SMG5: variants seen among roughly 807,000 people sequenced by gnomAD.
The protein encoded by SMG5 is nonsense-mediated mRNA decay factor SMG5.
SMG5 carries 53 observed loss-of-function variants against 122.9 expected under a neutral mutation model. The observed-to-expected ratio is 0.43, with a 90% CI of 0.35 to 0.54. The LOEUF (loss-of-function observed/expected upper bound fraction) is 0.54. SMG5 is among the 20% of genes least tolerant of loss of function. The pLI, the probability that SMG5 is intolerant of heterozygous loss-of-function variation, is 0.01. For synonymous variants in SMG5, 477 were observed against 490.2 expected (o/e 0.97, Z 0.35); for missense variants, 1,153 against 1,285.6 (o/e 0.90, Z 1.58).
upstream of SMG5, chr1:156,285,110 T>G: frequency 1.5e-6 from 2 of 1,326,118 alleles, no homozygotes; most frequent in Non-Finnish European, 2.0e-6. Flanking sequence ...CCCTGGAGAG[T>G]ATGAGTTCTG....
At chr1:156,276,921 C>G (rs902318046) in intron 4 of SMG5, among the ~76,000 whole-genome samples, 164 bp downstream of exon 4, 2 of 152,196 alleles carry the variant, frequency 1.3e-5, no homozygotes, top group African/African-American at 2.4e-5. Flanking sequence ...TACCCTAACT[C>G]ATATGATTGT....
upstream of SMG5, chr1:156,285,718 C>T: frequency 1.2e-6 from 2 of 1,613,228 alleles, no homozygotes; most frequent in Non-Finnish European, 1.7e-6. Context: ...CCCCCCGGGT[C>T]ACCCACCCCG....
In SMG5 at chr1:156,266,683, A is replaced by T; in HGVS notation, c.1118-5T>A. 4 of 1,614,098 alleles carry T rather than the reference A, an allele frequency of 2.5e-6. No individual in the cohort carries two copies. The South Asian group carries it at 4.4e-5, about 18-fold the overall frequency. ...CTGCACTGTACTGCTTGGATCCTGAAGTCAGGAAAGCCAGGCATTAGGGGC... is the reference window on the plus strand; with the variant it reads ...CTGCACTGTACTGCTTGGATCCTGATGTCAGGAAAGCCAGGCATTAGGGGC... On this transcript the variant is annotated splice_polypyrimidine_tract_variant and splice_region_variant and intron_variant, in intron 10 of 21. Coordinates refer to ENST00000361813, the MANE Select transcript of SMG5 (RefSeq NM_015327.3).
chr1:156,291,112 A>G, the SMG5 span: 1 of 443,360 alleles, frequency 2.3e-6, no homozygotes, highest in Non-Finnish European at 4.1e-6. Flanking sequence ...TGTCTCTAAA[A>G]AAATAAAAAT....
chr1:156,280,403 C>T (rs1662885433), intron 1 of SMG5, among the ~76,000 whole-genome samples: 1 of 152,236 alleles, frequency 6.6e-6, no homozygotes, highest in Admixed American at 6.5e-5. Context: ...CTAAGCTGCC[C>T]TACACAGGGT....
At chr1:156,275,773 G>A (rs1464443136) in intron 4 of SMG5, among the ~76,000 whole-genome samples, 1 of 151,410 alleles carries the variant, frequency 6.6e-6, no homozygotes, top group African/African-American at 2.4e-5. Context: ...GTAACCTATG[G>A]ACATGGTCCC....
upstream of SMG5, among the ~76,000 whole-genome samples, chr1:156,285,002 T>G (rs189364553): frequency 6.6e-6 from 1 of 152,276 alleles, no homozygotes; most frequent in East Asian, 1.9e-4. Context: ...CCATTTCAGC[T>G]GCTCACTTCC....
chr1:156,261,302 G>A, intron 14 of SMG5, 31 bp downstream of exon 14: 1 of 1,605,672 alleles, frequency 6.2e-7, no homozygotes, highest in Non-Finnish European at 8.5e-7. Context: ...AGAGAGCAAA[G>A]AAAGGAGGGT....
the SMG5 span, chr1:156,291,357 T>A: frequency 6.2e-7 from 1 of 1,606,224 alleles, no homozygotes; most frequent in Non-Finnish European, 8.5e-7. Flanking sequence ...CCCTCGAGAG[T>A]AGCCTGACCC....
rs749708031 is a variant in SMG5 at position 156,253,433 on chromosome 1, G to C, written c.2502+16C>G. ...CTACCAAGTGCAGAAGAAGCACTTG[G>C]GTCCTGATTTCCTACCTGAAGTCGT... On this transcript the variant is annotated intron_variant, in intron 17 of 21. Transcript: ENST00000361813. The C allele has an allele frequency of 3.1e-6, 5 of 1,613,674 alleles. No homozygotes were observed.
At chr1:156,287,187 T>C (rs1415858555), upstream of SMG5, among the ~76,000 whole-genome samples, 1 of 151,660 alleles carries the variant, frequency 6.6e-6, no homozygotes, top group African/African-American at 2.4e-5. Context: ...GAGGCTGAGG[T>C]GGGTGGATCA....
chr1:156,285,279 C>T (rs749332535), upstream of SMG5: 64 of 1,569,230 alleles, frequency 4.1e-5, no homozygotes, highest in South Asian at 7.1e-4. Flanking sequence ...TCTGATTCCC[C>T]AGAGAAGAGC....
At chr1:156,260,676 G>C (rs754720590) in intron 14 of SMG5, 50 bp from the exon 15 acceptor site, 2 of 1,435,958 alleles carry the variant, frequency 1.4e-6, no homozygotes, top group Admixed American at 5.9e-5. Context: ...GGAACTCCCA[G>C]TCAGAGAGAC....
At chr1:156,265,154 C>T (rs1168746515) in intron 12 of SMG5, among the ~76,000 whole-genome samples, 1 of 150,086 alleles carries the variant, frequency 6.7e-6, no homozygotes, top group African/African-American at 2.5e-5. Context: ...GCCTGGGAAG[C>T]AGTTGGTTGC....
At chr1:156,256,750 C>A (rs1661594187) in intron 16 of SMG5, among the ~76,000 whole-genome samples, 1 of 152,088 alleles carries the variant, frequency 6.6e-6, no homozygotes, top group African/African-American at 2.4e-5. Context: ...GTACTACACC[C>A]CCCGCAACTC....
At chr1:156,253,132 CG>C in intron 17 of SMG5, 54 bp from the exon 18 acceptor site, 2 of 1,508,662 alleles carry the variant, frequency 1.3e-6, no homozygotes, top group South Asian at 1.3e-5. Flanking sequence ...GCAGCCGGGC[CG>C]GGGGAAGAGT....
At chr1:156,270,571 G>A (rs1662363839) in intron 7 of SMG5, among the ~76,000 whole-genome samples, 1 of 152,214 alleles carries the variant, frequency 6.6e-6, no homozygotes, top group Non-Finnish European at 1.5e-5. Flanking sequence ...AGCAGAGTCA[G>A]GTATGCCCTT....
chr1:156,252,359 G>T, intron 19 of SMG5, 55 bp downstream of exon 19: 1 of 1,550,846 alleles, frequency 6.4e-7, no homozygotes. Flanking sequence ...ATAAGCATGT[G>T]TTATCCAAAA....
chr1:156,285,966 C>A, upstream of SMG5: 1 of 1,607,794 alleles, frequency 6.2e-7, no homozygotes, highest in South Asian at 1.1e-5. Flanking sequence ...GTCTTTGCCA[C>A]CTTCCCCATT....
Sources: allele counts gnomAD v4.1 joint callset (sites outside exome capture counted in the v4.1 genomes callset), GRCh38; gene constraint gnomAD v4.1.1; transcripts MANE v1.5; gene names NCBI Gene and HGNC (gene_info 2026-07-23, HGNC 2026-07-21).